PLCE1: variants seen among roughly 807,000 people sequenced by gnomAD.
PLCE1 encodes phospholipase C epsilon 1.
PLCE1 carries 119 observed loss-of-function variants against 242.8 expected under a neutral mutation model. That is an observed-to-expected ratio of 0.49 (90% CI 0.42 to 0.57). The LOEUF is 0.57. Ranked by LOEUF, PLCE1 falls within the 20% of genes least tolerant of loss-of-function variation. The probability of loss-of-function intolerance (pLI) is 0.00; values close to 1 mark genes in which losing one functional copy is unlikely to be tolerated. For missense variants in PLCE1, 2,441 were observed against 2,788.8 expected, an observed-to-expected ratio of 0.88 and a Z score of 2.81; for synonymous variants, 945 against 1,017.4, an observed-to-expected ratio of 0.93 and a Z score of 1.35.
At chr10:94,275,561 C>T (rs2051915777) in intron 19 of PLCE1, among the ~76,000 whole-genome samples, 1 of 152,128 alleles carries the variant, frequency 6.6e-6, no homozygotes, top group African/African-American at 2.4e-5. Flanking sequence ...CTTGGCCAGC[C>T]GCTGTGGCTC....
At chr10:94,160,171 C>A (rs990960623) in intron 3 of PLCE1, among the ~76,000 whole-genome samples, 4 of 152,156 alleles carry the variant, frequency 2.6e-5, no homozygotes, top group African/African-American at 9.7e-5. Context: ...ATTTCTAGTT[C>A]TAGATCCCTG....
At chr10:94,138,868 ATGC>A in intron 3 of PLCE1, 1 of 178,278 alleles carries the variant, frequency 5.6e-6, no homozygotes, top group Admixed American at 6.1e-5. Flanking sequence ...GAACCTGAGA[ATGC>A]TGCCCCACAC....
chr10:94,141,622 G>GCGA (rs2046966763), intron 3 of PLCE1, among the ~76,000 whole-genome samples: 1 of 3,772 alleles, frequency 2.7e-4, no homozygotes. Flanking sequence ...GAGAAAGGAA[G>GCGA]GCAGAAGGAG....
intron 13 of PLCE1, among the ~76,000 whole-genome samples, chr10:94,259,879 G>A (rs2051237504): frequency 6.6e-6 from 1 of 152,130 alleles, no homozygotes; most frequent in African/African-American, 2.4e-5. Context: ...TGAAAGGCGT[G>A]TCTCACATGG....
intron 3 of PLCE1, among the ~76,000 whole-genome samples, chr10:94,140,084 A>G (rs1055052212): frequency 1.2e-4 from 18 of 151,278 alleles, no homozygotes; most frequent in Admixed American, 7.3e-4. Context: ...TATGTATTAG[A>G]AAAAAAAACT....
chr10:93,996,641 C>G (rs1392375447), intron 1 of PLCE1, among the ~76,000 whole-genome samples: 1 of 152,214 alleles, frequency 6.6e-6, no homozygotes, highest in Non-Finnish European at 1.5e-5. Flanking sequence ...TCTCTGCTCC[C>G]TGGATGCAGA....
intron 4 of PLCE1, among the ~76,000 whole-genome samples, chr10:94,206,247 A>G (rs1017549260): frequency 8.5e-5 from 13 of 152,322 alleles, no homozygotes; most frequent in African/African-American, 3.1e-4. Flanking sequence ...AGAGGGAACC[A>G]TAAGTGCCAG....
intron 4 of PLCE1, among the ~76,000 whole-genome samples, chr10:94,213,439 T>C (rs556577788): frequency 1.3e-5 from 2 of 152,282 alleles, no homozygotes; most frequent in East Asian, 3.9e-4. Context: ...GCTGCCCTTT[T>C]TGAACCTGTC....
intron 2 of PLCE1, among the ~76,000 whole-genome samples, chr10:94,098,460 TAA>T (rs1044742666): frequency 6.6e-6 from 1 of 152,174 alleles, no homozygotes; most frequent in African/African-American, 2.4e-5. Context: ...AGAGACTTCA[TAA>T]AAAAGAGAAC....
chr10:94,040,370 G>GT (rs1406749462), intron 2 of PLCE1, among the ~76,000 whole-genome samples: 14 of 151,698 alleles, frequency 9.2e-5, no homozygotes, highest in South Asian at 4.2e-4. Flanking sequence ...TATCTAAATT[G>GT]TTTTTTTTAT....
chr10:94,070,979 T>G (rs1389343814), intron 2 of PLCE1, among the ~76,000 whole-genome samples: 1 of 152,146 alleles, frequency 6.6e-6, no homozygotes, highest in African/African-American at 2.4e-5. Context: ...TGCTAGACAC[T>G]TCATACCCAA....
intron 4 of PLCE1, among the ~76,000 whole-genome samples, chr10:94,198,160 G>A (rs949177221): frequency 6.6e-6 from 1 of 152,064 alleles, no homozygotes; most frequent in Non-Finnish European, 1.5e-5. Context: ...GCTAGGTGGG[G>A]GAAGTAAGAG....
chr10:94,254,782 G>C, intron 10 of PLCE1, 111 bp from the exon 11 acceptor site: 1 of 1,198,880 alleles, frequency 8.3e-7, no homozygotes, highest in Admixed American at 1.7e-5. Context: ...ATAGAAACCA[G>C]CTGCATAGGT....
At chr10:94,124,142 C>T (rs976728107) in intron 2 of PLCE1, among the ~76,000 whole-genome samples, 6 of 151,986 alleles carry the variant, frequency 3.9e-5, no homozygotes, top group Admixed American at 3.9e-4. Flanking sequence ...CACGCTGGGA[C>T]GCTGAGGCGG....
At chr10:94,193,268 G>C (rs1317355783) in intron 4 of PLCE1, among the ~76,000 whole-genome samples, 1 of 152,168 alleles carries the variant, frequency 6.6e-6, no homozygotes, top group African/African-American at 2.4e-5. Context: ...GCAGGGATGG[G>C]AAACTAGGGT....
At chr10:94,215,060 AGTCATGGACCAAACTGCCCATAG>A (rs1301952248) in intron 4 of PLCE1, among the ~76,000 whole-genome samples, 1 of 152,182 alleles carries the variant, frequency 6.6e-6, no homozygotes, top group Non-Finnish European at 1.5e-5. Flanking sequence ...GGAGTCTTCC[AGTCATGGACCAAACTGCCCATAG>A]GTCTTCTATG....
chr10:94,249,936 G>A (rs760987585), intron 8 of PLCE1, among the ~76,000 whole-genome samples: 5 of 151,668 alleles, frequency 3.3e-5, no homozygotes, highest in East Asian at 1.9e-4. Flanking sequence ...CTATCTTTAC[G>A]TGGGGGAAAA....
intron 2 of PLCE1, among the ~76,000 whole-genome samples, chr10:94,083,044 C>G (rs1391305612): frequency 6.6e-6 from 1 of 152,142 alleles, no homozygotes; most frequent in East Asian, 1.9e-4. Context: ...TGGCAATTCT[C>G]TATGATTATT....
At chr10:94,088,926 T>C (rs568993327) in intron 2 of PLCE1, 1 of 553,030 alleles carries the variant, frequency 1.8e-6, no homozygotes. Flanking sequence ...AGAAAAGTTA[T>C]GTTTCACAGA....
Sources: allele counts gnomAD v4.1 joint callset (sites outside exome capture counted in the v4.1 genomes callset), GRCh38; gene constraint gnomAD v4.1.1; transcripts MANE v1.5; gene names NCBI Gene and HGNC (gene_info 2026-07-23, HGNC 2026-07-21).